The following LMBRD2 variants were observed in gnomAD, a reference collection of about 807,000 sequenced individuals.
The protein encoded by LMBRD2 is G protein-coupled receptor-associated protein LMBRD2.
LMBRD2 carries 55 observed loss-of-function variants against 94.4 expected under a neutral mutation model. That is an observed-to-expected ratio of 0.58 (90% confidence interval 0.47 to 0.73). The LOEUF is 0.73. Among genes scored for constraint, LMBRD2 ranks in the 30% least tolerant of loss-of-function variants. The pLI is 0.00. For synonymous variants in LMBRD2, 246 were observed against 272.4 expected (o/e 0.90, Z 0.95); for missense variants, 640 against 831.9 (o/e 0.77, Z 2.84).
intron 1 of LMBRD2, among the ~76,000 whole-genome samples, chr5:36,149,419 G>A: frequency 6.6e-6 from 1 of 152,228 alleles, no homozygotes; most frequent in East Asian, 1.9e-4. Context: ...TATTTCTCGT[G>A]TAAGTCTTGA....
In LMBRD2 at chr5:36,122,313, G is replaced by A. The variant is rs2111872713; in HGVS notation, c.1087C>T (p.Arg363Ter). The change falls in exon 9 of 18, where the codon CGA (arginine) becomes TGA (stop). Residue 363 changes from arginine to a stop codon, truncating the protein, a stop_gained. Transcript: ENST00000296603. LOFTEE classifies it high-confidence loss of function. ...GGATTATAAAAATATTGGATAAATC[G>A]ATTTTCTGGCTCTGGCGATTGAAAG... The part of the protein sequence containing the change: ...HTFQSPEPEN[R>*]FIQYFYNPTF... 1.1e-5 allele frequency: 18 copies of A among 1,602,782 alleles called. No individual in the cohort carries two copies. Among genetic ancestry groups the A allele is most frequent in the Non-Finnish European group, 1.5e-5 (18 of 1,176,620 alleles).
At chr5:36,113,488 A>C (rs1390031195) in intron 13 of LMBRD2, among the ~76,000 whole-genome samples, 1 of 152,066 alleles carries the variant, frequency 6.6e-6, no homozygotes, top group Non-Finnish European at 1.5e-5. Context: ...TCCTGCTACA[A>C]TTTGAAGTTA....
chr5:36,138,459 C>T (rs945818163), intron 4 of LMBRD2, among the ~76,000 whole-genome samples: 10 of 152,154 alleles, frequency 6.6e-5, no homozygotes, highest in Admixed American at 3.3e-4. Flanking sequence ...AAAAAGTTCA[C>T]AATGTATAAT....
chr5:36,118,425 A>T (rs1743809666), intron 9 of LMBRD2, among the ~76,000 whole-genome samples: 1 of 152,176 alleles, frequency 6.6e-6, no homozygotes, highest in Non-Finnish European at 1.5e-5. Context: ...GAGTATAAAT[A>T]TTAATTTTTT....
chr5:36,124,307 C>T (rs945735592), intron 6 of LMBRD2, 42 bp from the exon 7 acceptor site: 1 of 1,176,540 alleles, frequency 8.5e-7, no homozygotes, highest in Non-Finnish European at 1.3e-6. Context: ...TCCATTTCTA[C>T]AGATCACATA....
chr5:36,123,041 T>A lies in LMBRD2; in HGVS notation c.823-80A>T, dbSNP rs1743925848. On this transcript the variant is annotated intron_variant, in intron 7 of 17. Transcript: ENST00000296603. ...TTTATTTTTATTAAAAATCTTTCATTCTTGAGCAGTTCTAATTTTCTCAAA... is the reference window on the plus strand; with the variant it reads ...TTTATTTTTATTAAAAATCTTTCATACTTGAGCAGTTCTAATTTTCTCAAA... 4 of 1,305,822 alleles carry A rather than the reference T, an allele frequency of 3.1e-6. No homozygotes were observed. The African/African-American group carries it at 4.7e-5, about 15-fold the overall frequency. 80.9% of individuals were successfully genotyped at this position (1,305,822 alleles called of 1,614,324 possible). A position where few individuals can be genotyped will look rare whatever the true frequency, so the allele number is the denominator to read the frequency against.
intron 1 of LMBRD2, chr5:36,148,073 A>G (rs117755850): frequency 4.9e-6 from 1 of 204,878 alleles, no homozygotes; most frequent in East Asian, 1.8e-4. Context: ...ATTATGAAAA[A>G]TCAAAAGAAC....
chr5:36,126,350 G>T (rs1258865046), intron 6 of LMBRD2, among the ~76,000 whole-genome samples: 1 of 152,034 alleles, frequency 6.6e-6, no homozygotes, highest in Admixed American at 6.6e-5. Context: ...ATTAACATTT[G>T]CTATATCTAT....
intron 1 of LMBRD2, among the ~76,000 whole-genome samples, chr5:36,149,003 T>C (rs1391997295): frequency 6.6e-6 from 1 of 152,238 alleles, no homozygotes; most frequent in East Asian, 1.9e-4. Context: ...AATATATGAC[T>C]GTACTCTACA....
chr5:36,114,485 C>A lies in LMBRD2; in HGVS notation c.1579G>T (p.Asp527Tyr). ...ATAGGATAATATATATAGAATCCAT[C>A]TGCAATAAAGGATAAAACTTTCATG... Reference protein sequence around the residue: ...GSMKVLSFIADGFYIYYPMLV... With the variant: ...GSMKVLSFIAYGFYIYYPMLV... The change falls in exon 13 of 18, where the codon GAT becomes TAT. Residue 527 changes from aspartate to tyrosine, a missense_variant. Physicochemically the swap from Asp to Tyr is radical, Grantham distance 160. Coordinates refer to ENST00000296603, the MANE Select transcript of LMBRD2 (RefSeq NM_001007527.2). 6.4e-7 allele frequency: 1 copy of A among 1,565,516 alleles called. No homozygotes were observed. Among genetic ancestry groups the A allele is most frequent in the South Asian group, 1.2e-5 (1 of 81,804 alleles).
Position 36,104,966 on chromosome 5 carries a change from T to C in LMBRD2, c.2027+102A>G, listed in dbSNP as rs1433068043. On this transcript the variant is annotated intron_variant, in intron 17 of 17. Transcript: ENST00000296603. ...AACATTTTCCTTTACTTATCACTTG[T>C]TTACTTTCACCTTTACTTACTTATT... 1.1e-5 allele frequency: 12 copies of C among 1,124,664 alleles called. No individual in the cohort carries two copies. The East Asian group carries it at 2.7e-4, about 25-fold the overall frequency. 69.7% of individuals were successfully genotyped at this position (1,124,664 alleles called of 1,614,324 possible). A position where few individuals can be genotyped will look rare whatever the true frequency, so the allele number is the denominator to read the frequency against.
rs1315830005 is a variant in LMBRD2, at chr5:36,105,068, C to T, written c.2027G>A (p.Arg676Lys). The part of the protein sequence containing the change: ...TDDPLESESG[R>K]YQPGGRYLSM... ...CTAAAATGTCACAGCCAGAACTTAC[C>T]TTCCTGATTCAGATTCAAGAGGATC... The change falls in exon 17 of 18, where the codon AGG becomes AAG. Residue 676 changes from arginine (R) to lysine (K), a missense_variant and splice_region_variant. Physicochemically the swap from Arg to Lys is conservative, Grantham distance 26 (BLOSUM62 2). Around this residue, in one of 2 missense-constraint regions of LMBRD2, gnomAD observed 183 missense variants for 189.1 expected, o/e 0.97. Transcript: ENST00000296603. 2 of 1,611,288 alleles carry T rather than the reference C, an allele frequency of 1.2e-6. No homozygotes were observed. The highest frequency in any genetic ancestry group is 1.7e-6 in the Non-Finnish European group (2 of 1,178,476).
chr5:36,118,030 A>G, intron 9 of LMBRD2, 114 bp from the exon 10 acceptor site: 4 of 810,342 alleles, frequency 4.9e-6, no homozygotes, highest in Non-Finnish European at 7.6e-6. Context: ...AAAAACAGCA[A>G]TTTTACAGTG....
At position 36,101,205 on chromosome 5, in the gene LMBRD2, CTTTT is replaced by C. The variant is rs1554080894; in HGVS notation, c.*2837_*2840del. The C allele has an allele frequency of 6.6e-6, 1 of 151,766 alleles. No homozygotes were observed. Among genetic ancestry groups the C allele is most frequent in the Non-Finnish European group, 1.5e-5 (1 of 67,810 alleles). 9.4% of individuals were successfully genotyped at this position (151,766 alleles called of 1,614,324 possible). A position where few individuals can be genotyped will look rare whatever the true frequency, so the allele number is the denominator to read the frequency against. ...ATTTTAATAATTAAACTTATTCTTT[CTTTT>C]GTTTTTTACAAAAATGCTCTATTGA... is the stretch of plus-strand genomic sequence containing the variant. On this transcript the variant is annotated 3_prime_UTR_variant, in exon 18 of 18. Coordinates refer to ENST00000296603, the MANE Select transcript of LMBRD2 (RefSeq NM_001007527.2).
intron 4 of LMBRD2, among the ~76,000 whole-genome samples, chr5:36,138,396 C>T (rs1419724977): frequency 2.6e-5 from 4 of 152,140 alleles, no homozygotes; most frequent in African/African-American, 9.7e-5. Flanking sequence ...AATACTGATA[C>T]ATACAGCACA....
intron 6 of LMBRD2, among the ~76,000 whole-genome samples, chr5:36,129,840 G>A (rs1408238145): frequency 1.3e-5 from 2 of 152,180 alleles, no homozygotes. Context: ...TATACACCAT[G>A]GAATACTATG....
chr5:36,122,674 C>A (rs756796242), intron 8 of LMBRD2, among the ~76,000 whole-genome samples, 174 bp downstream of exon 8: 3 of 151,972 alleles, frequency 2.0e-5, no homozygotes, highest in Admixed American at 2.0e-4. Flanking sequence ...TCCCCAAACG[C>A]CAATAATACC....
intron 14 of LMBRD2, 63 bp from the exon 15 acceptor site, chr5:36,110,054 G>A: frequency 8.1e-7 from 1 of 1,228,666 alleles, no homozygotes; most frequent in Non-Finnish European, 1.2e-6. Flanking sequence ...TAGTGCAACT[G>A]AAGTAAAGAT....
chr5:36,141,224 C>A (rs1418643471), intron 3 of LMBRD2, 22 bp from the exon 4 acceptor site: 2 of 1,387,268 alleles, frequency 1.4e-6, no homozygotes, highest in Non-Finnish European at 2.0e-6. Context: ...AAAGTTAAAG[C>A]CAACTAATCA....
Sources: gnomAD v4.1 joint callset for allele counts (sites outside exome capture counted in the v4.1 genomes callset) on GRCh38, gnomAD v4.1.1 for gene constraint, gnomAD v4.1.1 regional missense constraint, MANE v1.5 for transcripts, NCBI Gene and HGNC (gene_info 2026-07-23, HGNC 2026-07-21) for gene names.